Variants in EPHA6 observed in about 807,000 individuals in gnomAD.
The protein encoded by EPHA6 is EPH receptor A6, also known as ephrin type-A receptor 6.
EPHA6 carries 50 observed loss-of-function variants against 112.0 expected under a neutral mutation model. The observed-to-expected ratio is 0.45, with a 90% CI of 0.36 to 0.56. EPHA6 has a LOEUF of 0.56. EPHA6 is among the 20% of genes least tolerant of loss of function. The pLI is 0.00. For missense variants in EPHA6, 1,280 were observed against 1,417.4 expected (o/e 0.90, Z 1.56); for synonymous variants, 529 against 490.7 (o/e 1.08, Z -1.03).
At chr3:97,509,051 C>T (rs1577616544) in intron 10 of EPHA6, among the ~76,000 whole-genome samples, 1 of 91,606 alleles carries the variant, frequency 1.1e-5, no homozygotes, top group East Asian at 3.9e-4. Context: ...AGATATTCCT[C>T]ATCCCTTTAC....
intron 14 of EPHA6, 25 bp from the exon 15 acceptor site, chr3:97,720,236 A>C: frequency 6.4e-7 from 1 of 1,552,482 alleles, no homozygotes; most frequent in South Asian, 1.2e-5. Flanking sequence ...TAAGCCAGCT[A>C]AGAAATCTCC....
intron 11 of EPHA6, among the ~76,000 whole-genome samples, chr3:97,550,265 T>C (rs922792337): frequency 2.0e-5 from 3 of 152,242 alleles, no homozygotes; most frequent in Admixed American, 1.3e-4. Flanking sequence ...ACATCCATTT[T>C]ACTGCAGGGA....
At chr3:97,284,646 A>G (rs966750271) in intron 5 of EPHA6, among the ~76,000 whole-genome samples, 10 of 152,194 alleles carry the variant, frequency 6.6e-5, no homozygotes, top group African/African-American at 2.4e-4. Context: ...GTTCAGCACT[A>G]TGGAGTAGAA....
chr3:97,245,356 A>G (rs983875845), intron 5 of EPHA6, among the ~76,000 whole-genome samples: 1 of 151,884 alleles, frequency 6.6e-6, no homozygotes, highest in Non-Finnish European at 1.5e-5. Flanking sequence ...TTATAAGGAC[A>G]TTAGTCATAT....
chr3:97,247,845 T>TA (rs1346125351), intron 5 of EPHA6, among the ~76,000 whole-genome samples: 1 of 151,966 alleles, frequency 6.6e-6, no homozygotes, highest in South Asian at 2.1e-4. Flanking sequence ...AGGTCATACT[T>TA]ACATGAGTAT....
intron 2 of EPHA6, among the ~76,000 whole-genome samples, chr3:96,878,908 G>A (rs6438813): frequency 0.19 from 29,154 of 151,862 alleles, 4,650 homozygotes; most frequent in African/African-American, 0.4. Flanking sequence ...TTTAACATTA[G>A]TTGATAGCAC....
At chr3:97,495,166 A>G (rs910986002) in intron 10 of EPHA6, among the ~76,000 whole-genome samples, 3 of 152,106 alleles carry the variant, frequency 2.0e-5, no homozygotes, top group Admixed American at 2.0e-4. Context: ...AGGAGTTTCT[A>G]TTAAGCCAGG....
chr3:96,983,612 T>TG (rs1250631230), intron 2 of EPHA6, among the ~76,000 whole-genome samples: 2 of 152,246 alleles, frequency 1.3e-5, no homozygotes, highest in African/African-American at 4.8e-5. Context: ...CTTGCTAGGT[T>TG]GGGGAGGTTC....
chr3:97,117,917 CTG>C (rs1253213861), intron 3 of EPHA6, among the ~76,000 whole-genome samples: 2 of 151,752 alleles, frequency 1.3e-5, no homozygotes, highest in East Asian at 1.9e-4. Flanking sequence ...ACAAAGAACT[CTG>C]TATCATTTTT....
intron 15 of EPHA6, among the ~76,000 whole-genome samples, chr3:97,721,516 G>T (rs1423190226): frequency 6.6e-6 from 1 of 152,160 alleles, no homozygotes; most frequent in Non-Finnish European, 1.5e-5. Flanking sequence ...GAAAATGCTA[G>T]GTCCAGAAGT....
intron 3 of EPHA6, among the ~76,000 whole-genome samples, chr3:97,094,259 T>C (rs1396479704): frequency 2.0e-5 from 3 of 152,176 alleles, no homozygotes; most frequent in Non-Finnish European, 4.4e-5. Flanking sequence ...GTGGAAATTA[T>C]GAAATCCTAG....
chr3:96,881,565 G>A (rs2037316586), intron 2 of EPHA6, among the ~76,000 whole-genome samples: 1 of 152,154 alleles, frequency 6.6e-6, no homozygotes, highest in Non-Finnish European at 1.5e-5. Context: ...GATTTGGGTT[G>A]GGACAAAGAG....
chr3:97,672,319 C>A (rs1446385140), intron 14 of EPHA6, among the ~76,000 whole-genome samples: 1 of 152,086 alleles, frequency 6.6e-6, no homozygotes, highest in Non-Finnish European at 1.5e-5. Flanking sequence ...TAATCCCATG[C>A]TTATCTTTCT....
chr3:97,758,526 C>T lies in EPHA6; in HGVS notation c.*9825C>T, dbSNP rs1158189218. ...ATTGAACACTACCATGTACCATTGT[C>T]CTGTTCGAAGCACTGAGGATACATG... On this transcript the variant is annotated 3_prime_UTR_variant, in exon 18 of 18. Transcript: ENST00000389672. Among the ~76,000 whole-genome samples, 3 of 151,840 alleles carry T rather than the reference C, an allele frequency of 2.0e-5. No individual in the cohort carries two copies. The East Asian group carries it at 5.8e-4, about 29-fold the overall frequency.
chr3:97,096,275 CCACA>C (rs58752429), intron 3 of EPHA6, among the ~76,000 whole-genome samples: 2,287 of 147,780 alleles, frequency 0.015, 67 homozygotes, highest in African/African-American at 0.053. Flanking sequence ...ACATACACAC[CCACA>C]CACACACACA....
At position 97,272,310 on chromosome 3, in the gene EPHA6, G is replaced by A. The variant is rs1277206249; in HGVS notation, c.1606+28023G>A. Among the ~76,000 whole-genome samples, 18 of 14,974 alleles carry A rather than the reference G, an allele frequency of 1.2e-3. No individual in the cohort carries two copies. In the South Asian group the frequency reaches 0.15, roughly 127 times the overall value. 9.8% of individuals were successfully genotyped at this position (14,974 alleles called of 152,430 possible). On this transcript the variant is annotated intron_variant, in intron 5 of 17. Transcript: ENST00000389672. ...AATATTCCATTTCGTGTGTGTGTGT[G>A]TGTGTGTGTGTGTGTGTGTGTGTAC...
At chr3:97,274,510 G>C (rs2080001840) in intron 5 of EPHA6, among the ~76,000 whole-genome samples, 1 of 152,202 alleles carries the variant, frequency 6.6e-6, no homozygotes, top group Non-Finnish European at 1.5e-5. Context: ...CAACAGCATG[G>C]TGGTGCAGAA....
intron 3 of EPHA6, among the ~76,000 whole-genome samples, chr3:97,191,749 G>T (rs2077313014): frequency 6.6e-6 from 1 of 152,082 alleles, no homozygotes; most frequent in African/African-American, 2.4e-5. Context: ...CACTTAGGTG[G>T]CTTCCAAATT....
At chr3:97,288,417 G>C (rs1239667922) in intron 5 of EPHA6, among the ~76,000 whole-genome samples, 1 of 152,156 alleles carries the variant, frequency 6.6e-6, no homozygotes, top group Admixed American at 6.5e-5. Flanking sequence ...GAGATGATTT[G>C]ATTCTTTTTC....
Sources: allele counts gnomAD v4.1 joint callset (sites outside exome capture counted in the v4.1 genomes callset), GRCh38; gene constraint gnomAD v4.1.1; transcripts MANE v1.5; gene names NCBI Gene and HGNC (gene_info 2026-07-23, HGNC 2026-07-21).